ANAPC16: variants seen among roughly 807,000 people sequenced by gnomAD.
The protein encoded by ANAPC16 is anaphase promoting complex subunit 16.
A neutral mutation model predicts 13.1 loss-of-function variants in ANAPC16; 6 were observed. The ratio of observed to expected loss-of-function variants is 0.46; its 90% CI spans 0.25 to 0.90. ANAPC16 has a LOEUF of 0.90. Ranked by LOEUF, ANAPC16 falls within the 40% of genes least tolerant of loss-of-function variation. The pLI is 0.18. For synonymous variants in ANAPC16, 55 were observed against 51.3 expected (o/e 1.07, Z -0.31); for missense variants, 113 against 131.1 (o/e 0.86, Z 0.67).
Position 72,223,817 on chromosome 10 carries a change from AG to A in ANAPC16, c.-27-70del, listed in dbSNP as rs1311786506. The A allele has an allele frequency of 3.2e-6, 4 of 1,240,306 alleles. No homozygotes were observed. In the African/African-American group the frequency reaches 6.1e-5, roughly 19 times the overall value. The allele number at this position is 1,240,306 out of a possible 1,614,324, so 76.8% of individuals were successfully genotyped here. A position where few individuals can be genotyped will look rare whatever the true frequency, so the allele number is the denominator to read the frequency against. On this transcript the variant is annotated intron_variant, in intron 1 of 3. Coordinates refer to ENST00000299381, the MANE Select transcript of ANAPC16 (RefSeq NM_173473.4). ...TACAAAACTGTATGCTGGCCCTTAC[AG>A]CAGCTAGAATGAAATGTTGTCACTC...
chr10:72,226,257 G>GATCT (rs1860120180), intron 2 of ANAPC16, among the ~76,000 whole-genome samples: 1 of 151,882 alleles, frequency 6.6e-6, no homozygotes, highest in Non-Finnish European at 1.5e-5. Flanking sequence ...GACCTCAAAT[G>GATCT]ATCTGCCCAC....
intron 2 of ANAPC16, among the ~76,000 whole-genome samples, chr10:72,227,466 A>T (rs183987832): frequency 6.6e-6 from 1 of 152,316 alleles, no homozygotes; most frequent in Admixed American, 6.5e-5. Flanking sequence ...ATAATCTTAA[A>T]TCTTAAAAAG....
At chr10:72,217,917 T>C (rs920131715) in intron 1 of ANAPC16, among the ~76,000 whole-genome samples, 1 of 151,638 alleles carries the variant, frequency 6.6e-6, no homozygotes, top group Non-Finnish European at 1.5e-5. Context: ...TTTGAGAGGC[T>C]TAATCATTAA....
rs577057622 is a variant in ANAPC16 at position 72,219,144 on chromosome 10, G to A, written c.-28+3006G>A. Among the ~76,000 whole-genome samples, 39 of 152,290 alleles carry A rather than the reference G, an allele frequency of 2.6e-4. 2 individuals are homozygous for A. The highest frequency in any genetic ancestry group is 1.2e-3 in the Admixed American group (19 of 15,284). ...AGGTGAGATATATAAACAGTTCACC[G>A]TGGGTTCTACTCTGAACTGATGGGA... On this transcript the variant is annotated intron_variant, in intron 1 of 3. Coordinates refer to ENST00000299381, the MANE Select transcript of ANAPC16 (RefSeq NM_173473.4).
intron 2 of ANAPC16, among the ~76,000 whole-genome samples, chr10:72,228,048 T>C (rs1227088640): frequency 6.7e-6 from 1 of 148,790 alleles, no homozygotes; most frequent in African/African-American, 2.5e-5. Flanking sequence ...AAAAAAAGGA[T>C]ATGAAAATAG....
At chr10:72,224,980 G>T (rs542894430) in intron 2 of ANAPC16, among the ~76,000 whole-genome samples, 13 of 152,182 alleles carry the variant, frequency 8.5e-5, no homozygotes, top group Non-Finnish European at 1.5e-4. Context: ...GAGCAAAGAG[G>T]TTACTTAAAA....
At chr10:72,227,753 G>A (rs1860167545) in intron 2 of ANAPC16, among the ~76,000 whole-genome samples, 1 of 151,762 alleles carries the variant, frequency 6.6e-6, no homozygotes, top group Admixed American at 6.6e-5. Flanking sequence ...AATAGAGGCC[G>A]GGCACGGTGC....
Position 72,223,929 on chromosome 10 carries a change from A to G in ANAPC16, c.15A>G (p.Ser5=), listed in dbSNP as rs1293478199. MAAS[S]SSSSAGGVSG... ...CTAGAGAGGAAATGGCTGCTTCATCATCATCCTCCTCAGCTGGTGGGGTCA... is the reference window on the plus strand; with the variant it reads ...CTAGAGAGGAAATGGCTGCTTCATCGTCATCCTCCTCAGCTGGTGGGGTCA... The change falls in exon 2 of 4, where the codon TCA becomes TCG. Residue 5 remains serine (S), a synonymous_variant. Transcript: ENST00000299381. 2 of 1,602,662 alleles carry G rather than the reference A, an allele frequency of 1.2e-6. No individual in the cohort carries two copies. The highest frequency in any genetic ancestry group is 1.7e-6 in the Non-Finnish European group (2 of 1,171,480).
chr10:72,220,712 C>G (rs78898564), intron 1 of ANAPC16: 1 of 103,446 alleles, frequency 9.7e-6, no homozygotes, highest in Non-Finnish European at 2.0e-5. Context: ...TTGCAACTAG[C>G]AAAAAAAAAA....
chr10:72,224,049 G>A lies in ANAPC16; in HGVS notation c.135G>A (p.Met45Ile). The stretch of plus-strand genomic sequence containing the variant: ...CCTACCCCAAAGGAGCTGGAGAGAT[G>A]TTAGAAGGTGATCTCATGCTGCTTT... ...LFTYPKGAGE[M>I]LEDGSERFLC... Residue 45 changes from methionine to isoleucine, a missense_variant, in exon 2 of 4, where the codon ATG (methionine) becomes ATA (isoleucine). Coordinates refer to ENST00000299381, the MANE Select transcript of ANAPC16 (RefSeq NM_173473.4). The A allele has an allele frequency of 6.3e-7, 1 of 1,590,088 alleles. No homozygotes were observed. Among genetic ancestry groups the A allele is most frequent in the Non-Finnish European group, 8.6e-7 (1 of 1,162,932 alleles).
chr10:72,231,600 G>A (rs570592915), intron 3 of ANAPC16, among the ~76,000 whole-genome samples: 151 of 152,106 alleles, frequency 9.9e-4, no homozygotes, highest in African/African-American at 3.4e-3. Context: ...ACTGTCACCC[G>A]GGCTGGAGTG....
At chr10:72,224,179 GT>G in intron 2 of ANAPC16, 123 bp downstream of exon 2, 1 of 1,116,856 alleles carries the variant, frequency 9.0e-7, no homozygotes, top group Non-Finnish European at 1.2e-6. Context: ...TTCATTTCTT[GT>G]CCCCATCTCA....
At chr10:72,232,186 CAA>C (rs1194817055) in intron 3 of ANAPC16, among the ~76,000 whole-genome samples, 30 of 43,894 alleles carry the variant, frequency 6.8e-4, no homozygotes, top group African/African-American at 1.2e-3. Flanking sequence ...AACTCTGTCT[CAA>C]AAAAAAAAAA....
chr10:72,231,479 C>G (rs1589717967), intron 3 of ANAPC16, among the ~76,000 whole-genome samples: 2 of 139,404 alleles, frequency 1.4e-5, no homozygotes. Flanking sequence ...GAGGCATACT[C>G]CAGCCTTGGT....
intron 2 of ANAPC16, among the ~76,000 whole-genome samples, chr10:72,224,910 G>A (rs138069613): frequency 6.6e-6 from 1 of 152,276 alleles, no homozygotes; most frequent in African/African-American, 2.4e-5. Context: ...ATCTTGTTCA[G>A]CATCATTGGC....
At chr10:72,222,338 A>C (rs977165759) in intron 1 of ANAPC16, among the ~76,000 whole-genome samples, 1 of 151,692 alleles carries the variant, frequency 6.6e-6, no homozygotes, top group Non-Finnish European at 1.5e-5. Context: ...GAATCGCTTG[A>C]ACCTGGGAGG....
intron 2 of ANAPC16, among the ~76,000 whole-genome samples, chr10:72,224,458 C>A (rs1374286160): frequency 6.6e-6 from 1 of 151,972 alleles, no homozygotes; most frequent in African/African-American, 2.4e-5. Flanking sequence ...ACTAAAAATA[C>A]AAAAATTAGC....
intron 2 of ANAPC16, among the ~76,000 whole-genome samples, chr10:72,225,753 T>A (rs1589713246): frequency 6.6e-6 from 1 of 151,528 alleles, no homozygotes. Context: ...TACAAAAAAA[T>A]TAGCTGGATG....
chr10:72,223,254 C>G (rs756436575), intron 1 of ANAPC16: 1 of 151,836 alleles, frequency 6.6e-6, no homozygotes, highest in Non-Finnish European at 1.5e-5. Flanking sequence ...TTAGTAGAGA[C>G]AGAGTTTCGC....
Sources: gnomAD v4.1 joint callset for allele counts (sites outside exome capture counted in the v4.1 genomes callset) on GRCh38, gnomAD v4.1.1 for gene constraint, MANE v1.5 for transcripts, NCBI Gene and HGNC (gene_info 2026-07-23, HGNC 2026-07-21) for gene names.